The following MDM1 variants were observed in gnomAD, a reference collection of about 807,000 sequenced individuals.
MDM1 encodes the protein stabilizer of axonemal microtubules 6.
A neutral mutation model predicts 89.1 loss-of-function variants in MDM1; 61 were observed. That is an observed-to-expected ratio of 0.68 (90% CI 0.56 to 0.85). MDM1 has a LOEUF of 0.85. MDM1 is among the 40% of genes least tolerant of loss of function. MDM1 has a pLI of 0.00. For synonymous variants in MDM1, 290 were observed against 294.1 expected (o/e 0.99, Z 0.14); for missense variants, 820 against 846.5 (o/e 0.97, Z 0.39).
chr12:68,323,151 T>C lies in MDM1; in HGVS notation c.723A>G (p.Leu241=). The change falls in exon 5 of 15, where the codon TTA becomes TTG. Residue 241 remains leucine (L), a synonymous_variant. Coordinates refer to ENST00000682720, the MANE Select transcript of MDM1 (RefSeq NM_001354969.2). ...ETEYKRNFKG[L]SPVKEPKLRN... ...TTAATTTTGGTTCTTTCACTGGAGA[T>C]AAACCCTTGAAATTTCTTTTGTATT... 3 of 1,610,760 alleles carry C rather than the reference T, an allele frequency of 1.9e-6. No homozygotes were observed. Among genetic ancestry groups the C allele is most frequent in the Non-Finnish European group, 2.5e-6 (3 of 1,178,712 alleles).
chr12:68,331,171 G>T lies in MDM1; in HGVS notation c.69C>A (p.Ser23=), dbSNP rs3741808. The part of the protein sequence containing the change: ...RNFLWKKSYL[S]ESCNSSVGRK... ...GCCCCACGGAGGAATTACAAGACTC[G>T]GACAAATAAGACTTTTTCCACAGGA... The change falls in exon 2 of 15, where the codon TCC becomes TCA. Residue 23 remains serine (S), a synonymous_variant. Coordinates refer to ENST00000682720, the MANE Select transcript of MDM1 (RefSeq NM_001354969.2). 1,144,149 of 1,607,700 alleles carry T rather than the reference G, an allele frequency of 0.71. 409,483 individuals carry two copies. Among genetic ancestry groups the T allele is most frequent in the African/African-American group, 0.79 (59,427 of 74,842 alleles).
chr12:68,305,234 C>A (rs1872714481), intron 12 of MDM1, among the ~76,000 whole-genome samples: 1 of 152,024 alleles, frequency 6.6e-6, no homozygotes, highest in African/African-American at 2.4e-5. Flanking sequence ...TGATAAAAAT[C>A]CTCAACAAAC....
In MDM1 at chr12:68,314,941, C is replaced by T; in HGVS notation, c.1529+7G>A. 1 of 1,464,824 alleles carries T rather than the reference C, an allele frequency of 6.8e-7. No homozygotes were observed. The highest frequency in any genetic ancestry group is 9.6e-7 in the Non-Finnish European group (1 of 1,045,988). The allele number at this position is 1,464,824 out of a possible 1,614,324, so 90.7% of individuals were successfully genotyped here. A position where few individuals can be genotyped will look rare whatever the true frequency, so the allele number is the denominator to read the frequency against. On this transcript the variant is annotated splice_region_variant and intron_variant, in intron 10 of 14. Coordinates refer to ENST00000682720, the MANE Select transcript of MDM1 (RefSeq NM_001354969.2). ...CTTCTCTATACTGAGTAATTTAAAA[C>T]TCTCACCCTTCTTTCATCTTATCTG...
intron 12 of MDM1, 94 bp downstream of exon 12, chr12:68,313,349 A>C (rs1303789798): frequency 1.1e-6 from 1 of 905,998 alleles, no homozygotes; most frequent in Non-Finnish European, 1.7e-6. Context: ...TGATAGCCAC[A>C]ATTCTCTAAA....
intron 7 of MDM1, among the ~76,000 whole-genome samples, chr12:68,317,482 T>C (rs1874652660): frequency 6.6e-6 from 1 of 151,752 alleles, no homozygotes; most frequent in African/African-American, 2.4e-5. Flanking sequence ...CAAGGTACGA[T>C]TTTGAATGCA....
chr12:68,308,127 C>CTT (rs774192759), intron 12 of MDM1, among the ~76,000 whole-genome samples: 8 of 138,856 alleles, frequency 5.8e-5, no homozygotes, highest in East Asian at 2.1e-4. Flanking sequence ...GCTGTTCCTT[C>CTT]TTTTTTTTTT....
chr12:68,316,033 TA>T, intron 9 of MDM1, 44 bp downstream of exon 9: 1 of 1,542,742 alleles, frequency 6.5e-7, no homozygotes, highest in Non-Finnish European at 8.8e-7. Context: ...ATGATCTACA[TA>T]AGCTTCAACA....
At chr12:68,326,364 G>C in intron 3 of MDM1, 1 of 1,418,402 alleles carries the variant, frequency 7.1e-7, no homozygotes, top group Non-Finnish European at 9.2e-7. Context: ...GTCTCAACTT[G>C]ATCTCTCCCT....
Position 68,294,650 on chromosome 12 carries a change from T to C in MDM1, c.*604A>G, listed in dbSNP as rs541366212. ...GTAATTTTTCAAAATCTAGACATTA[T>C]TCAAATGTAAGCCAAAGTCCTTACA... On this transcript the variant is annotated 3_prime_UTR_variant, in exon 15 of 15. Coordinates refer to ENST00000682720, the MANE Select transcript of MDM1 (RefSeq NM_001354969.2). 6.6e-6 allele frequency: 1 copy of C among 152,336 alleles called. No individual in the cohort carries two copies. Among genetic ancestry groups the C allele is most frequent in the Non-Finnish European group, 1.5e-5 (1 of 68,024 alleles). 9.4% of individuals were successfully genotyped at this position (152,336 alleles called of 1,614,324 possible).
intron 12 of MDM1, among the ~76,000 whole-genome samples, chr12:68,311,037 A>C (rs1248946669): frequency 1.3e-5 from 2 of 152,030 alleles, no homozygotes; most frequent in East Asian, 3.8e-4. Context: ...CACCGATCCT[A>C]TCACCTCTGC....
chr12:68,327,533 C>G, intron 2 of MDM1: 3 of 1,528,000 alleles, frequency 2.0e-6, no homozygotes, highest in African/African-American at 1.4e-5. Flanking sequence ...AAAGAATAAG[C>G]CCTTTTAACA....
At chr12:68,301,088 A>C (rs1333025602) in intron 13 of MDM1, among the ~76,000 whole-genome samples, 3 of 152,242 alleles carry the variant, frequency 2.0e-5, no homozygotes, top group Non-Finnish European at 4.4e-5. Flanking sequence ...CAAGATGGAA[A>C]TTCAAAAATT....
chr12:68,330,999 A>G (rs1023313423), intron 2 of MDM1, 108 bp downstream of exon 2: 1 of 685,252 alleles, frequency 1.5e-6, no homozygotes, highest in African/African-American at 1.8e-5. Context: ...CTTTTAATAT[A>G]TCATTTGGTA....
chr12:68,326,654 T>C lies in MDM1; in HGVS notation c.498+3A>G, dbSNP rs771354451. 1.4e-5 allele frequency: 22 copies of C among 1,614,040 alleles called. No individual in the cohort carries two copies. In the South Asian group the frequency reaches 2.0e-4, roughly 14 times the overall value. On this transcript the variant is annotated splice_donor_region_variant and intron_variant, in intron 3 of 14. Coordinates refer to ENST00000682720, the MANE Select transcript of MDM1 (RefSeq NM_001354969.2). ...TGAAAAGAAATGCAGTGAATATGCC[T>C]ACCCCATTATCTACATTTTCTGAAA...
chr12:68,300,262 A>G lies in MDM1; in HGVS notation c.2002+2358T>C, dbSNP rs919757709. Among the ~76,000 whole-genome samples the G allele has an allele frequency of 4.1e-4, 62 of 152,198 alleles. 1 individual carries two copies. The highest frequency in any genetic ancestry group is 1.4e-3 in the African/African-American group (58 of 41,452). On this transcript the variant is annotated intron_variant, in intron 13 of 14. Coordinates refer to ENST00000682720, the MANE Select transcript of MDM1 (RefSeq NM_001354969.2). The stretch of plus-strand genomic sequence containing the variant: ...TGAAAGCTTAAAACTCACAGGGCCT[A>G]TAAAACAACACAACGGAAAAAACAA...
rs1371134294 is a variant in MDM1 at position 68,321,650 on chromosome 12, CT to C, written c.802-23del. 2.7e-6 allele frequency: 4 copies of C among 1,493,772 alleles called. No homozygotes were observed. In the African/African-American group the frequency reaches 5.6e-5, roughly 21 times the overall value. The allele number at this position is 1,493,772 out of a possible 1,614,324, so 92.5% of individuals were successfully genotyped here. On this transcript the variant is annotated intron_variant, in intron 5 of 14. Coordinates refer to ENST00000682720, the MANE Select transcript of MDM1 (RefSeq NM_001354969.2). ...TACTCTGAAATGGAAATCATTTAAG[CT>C]TTTTATGCTTAAGATGTTACACATT...
At chr12:68,327,266 T>G in intron 2 of MDM1, 1 of 1,408,664 alleles carries the variant, frequency 7.1e-7, no homozygotes, top group Non-Finnish European at 9.2e-7. Context: ...AATCAGGGGG[T>G]CACAAAATGT....
chr12:68,315,009 T>A lies in MDM1; in HGVS notation c.1468A>T (p.Met490Leu), dbSNP rs758538942. The change falls in exon 10 of 15, where the codon ATG becomes TTG. Residue 490 changes from methionine (M) to leucine (L), a missense_variant. Coordinates refer to ENST00000682720, the MANE Select transcript of MDM1 (RefSeq NM_001354969.2). ...ACATCCAACTTCTCTTGCTCTCCCA[T>A]AAAAGCCTGCTTGCCCGTTTTCCTG... ...GDRKTGKQAF[M>L]GEQEKLDVRE... 1 of 1,614,172 alleles carries A rather than the reference T, an allele frequency of 6.2e-7. No individual in the cohort carries two copies. The highest frequency in any genetic ancestry group is 1.7e-5 in the Admixed American group (1 of 60,022).
At chr12:68,314,707 C>T (rs1874220115) in intron 10 of MDM1, among the ~76,000 whole-genome samples, 1 of 152,198 alleles carries the variant, frequency 6.6e-6, no homozygotes, top group East Asian at 1.9e-4. Flanking sequence ...GAAAATAATC[C>T]TAACTACTTC....
Sources: gnomAD v4.1 joint callset for allele counts (sites outside exome capture counted in the v4.1 genomes callset) on GRCh38, gnomAD v4.1.1 for gene constraint, MANE v1.5 for transcripts, NCBI Gene and HGNC (gene_info 2026-07-23, HGNC 2026-07-21) for gene names.